LHFPL3: variants seen among roughly 807,000 people sequenced by gnomAD.
The protein encoded by LHFPL3 is LHFPL tetraspan subfamily member 3, also known as LHFPL tetraspan subfamily member 3 protein.
LHFPL3 carries 5 observed loss-of-function variants against 19.3 expected under a neutral mutation model. The ratio of observed to expected loss-of-function variants is 0.26; its 90% CI spans 0.14 to 0.54. The LOEUF (loss-of-function observed/expected upper bound fraction) is 0.54. LHFPL3 is among the 20% of genes least tolerant of loss of function. The pLI, the probability that LHFPL3 is intolerant of heterozygous loss-of-function variation, is 0.94. For missense variants in LHFPL3, 249 were observed against 307.4 expected (o/e 0.81, Z 1.42); for synonymous variants, 133 against 126.2 (o/e 1.05, Z -0.36).
chr7:104,822,901 C>T (rs966292184), intron 2 of LHFPL3, among the ~76,000 whole-genome samples: 4 of 152,104 alleles, frequency 2.6e-5, no homozygotes, highest in African/African-American at 4.8e-5. Context: ...GTTCACCCTA[C>T]CAAGAAGTGC....
At chr7:104,434,370 CTG>C (rs1310785395) in intron 1 of LHFPL3, among the ~76,000 whole-genome samples, 3 of 152,220 alleles carry the variant, frequency 2.0e-5, no homozygotes, top group Non-Finnish European at 2.9e-5. Flanking sequence ...AGAGGAGACA[CTG>C]TATGGAAATT....
At chr7:104,643,491 T>C (rs572959087) in intron 1 of LHFPL3, among the ~76,000 whole-genome samples, 8 of 152,338 alleles carry the variant, frequency 5.3e-5, no homozygotes, top group Non-Finnish European at 8.8e-5. Context: ...TGTATATTTT[T>C]GTATGGATTT....
chr7:104,767,219 A>G (rs1401165562), intron 2 of LHFPL3, among the ~76,000 whole-genome samples: 1 of 152,218 alleles, frequency 6.6e-6, no homozygotes, highest in Non-Finnish European at 1.5e-5. Context: ...GTGGTCATAT[A>G]GAAACTGTCA....
intron 1 of LHFPL3, among the ~76,000 whole-genome samples, chr7:104,550,962 A>G (rs1346508068): frequency 1.3e-5 from 2 of 152,008 alleles, no homozygotes; most frequent in African/African-American, 4.8e-5. Flanking sequence ...GCCTCCCAAA[A>G]TTTTCCAGAG....
chr7:104,454,221 A>G (rs1792498329), intron 1 of LHFPL3, among the ~76,000 whole-genome samples: 1 of 152,120 alleles, frequency 6.6e-6, no homozygotes, highest in African/African-American at 2.4e-5. Flanking sequence ...AAAAGACTAG[A>G]ATTGGTGTTA....
intron 2 of LHFPL3, among the ~76,000 whole-genome samples, chr7:104,832,774 C>T (rs1211961478): frequency 2.0e-5 from 3 of 148,794 alleles, no homozygotes; most frequent in South Asian, 2.1e-4. Context: ...GTCAGGAGTT[C>T]GAGACCAGCC....
chr7:104,568,157 T>A (rs1790158071), intron 1 of LHFPL3, among the ~76,000 whole-genome samples: 1 of 152,208 alleles, frequency 6.6e-6, no homozygotes, highest in Admixed American at 6.5e-5. Flanking sequence ...GATTTGTACC[T>A]GAGAATCACC....
At chr7:104,521,062 C>A (rs912370451) in intron 1 of LHFPL3, among the ~76,000 whole-genome samples, 60 of 152,172 alleles carry the variant, frequency 3.9e-4, no homozygotes, top group African/African-American at 1.4e-3. Flanking sequence ...TTGGATCTTT[C>A]CTGCTTTCTC....
intron 1 of LHFPL3, among the ~76,000 whole-genome samples, chr7:104,702,727 C>T (rs971964529): frequency 6.6e-6 from 1 of 152,224 alleles, no homozygotes; most frequent in Non-Finnish European, 1.5e-5. Context: ...TCCACATAGA[C>T]ACCTTCAATT....
chr7:104,745,297 G>T (rs942289425), intron 2 of LHFPL3, among the ~76,000 whole-genome samples: 1 of 152,194 alleles, frequency 6.6e-6, no homozygotes, highest in African/African-American at 2.4e-5. Flanking sequence ...AGCAGGAACT[G>T]CAGCCACCAT....
chr7:104,410,813 A>G (rs1791521769), intron 1 of LHFPL3, among the ~76,000 whole-genome samples: 1 of 152,258 alleles, frequency 6.6e-6, no homozygotes. Context: ...GCTAAGAAGG[A>G]TATTAGTAAA....
chr7:104,589,330 G>A (rs1268190555), intron 1 of LHFPL3, among the ~76,000 whole-genome samples: 4 of 152,182 alleles, frequency 2.6e-5, no homozygotes, highest in Non-Finnish European at 5.9e-5. Flanking sequence ...AAGGGCTGTT[G>A]AATTTTGTCA....
At chr7:104,838,708 C>T (rs1020172739) in intron 2 of LHFPL3, among the ~76,000 whole-genome samples, 1 of 152,192 alleles carries the variant, frequency 6.6e-6, no homozygotes, top group African/African-American at 2.4e-5. Context: ...ATACCATAGA[C>T]ACATGTGGCT....
chr7:104,330,391 T>C (rs1300838058), intron 1 of LHFPL3, among the ~76,000 whole-genome samples: 1 of 152,208 alleles, frequency 6.6e-6, no homozygotes, highest in African/African-American at 2.4e-5. Context: ...TGTTTCAAGA[T>C]TTTGTCGTTT....
chr7:104,829,661 C>G lies in LHFPL3; in HGVS notation c.683-76526C>G, dbSNP rs1790907657. ...CATGTCCCTACAAAGGACATGAACT[C>G]ATCATTTTTTATGGCTGCATAGTAT... is the stretch of plus-strand genomic sequence containing the variant. On this transcript the variant is annotated intron_variant, in intron 2 of 2. Transcript: ENST00000424859. Among the ~76,000 whole-genome samples, 8 of 151,840 alleles carry G rather than the reference C, an allele frequency of 5.3e-5. No individual in the cohort carries two copies. The South Asian group carries it at 1.7e-3, about 31-fold the overall frequency.
chr7:104,363,251 C>A (rs1790424676), intron 1 of LHFPL3, among the ~76,000 whole-genome samples: 1 of 152,222 alleles, frequency 6.6e-6, no homozygotes, highest in African/African-American at 2.4e-5. Context: ...AGGCAAGATA[C>A]AGTCAGTTAG....
At chr7:104,802,966 G>C (rs1790284919) in intron 2 of LHFPL3, 1 of 152,306 alleles carries the variant, frequency 6.6e-6, no homozygotes, top group Non-Finnish European at 1.5e-5. Context: ...CTGACTCCCT[G>C]TGAATAAAGG....
intron 1 of LHFPL3, among the ~76,000 whole-genome samples, chr7:104,572,952 T>C (rs1223870031): frequency 6.6e-6 from 1 of 152,218 alleles, no homozygotes; most frequent in Non-Finnish European, 1.5e-5. Context: ...CAGCTTTTGA[T>C]TGACCACTAA....
intron 2 of LHFPL3, among the ~76,000 whole-genome samples, chr7:104,767,628 A>G (rs905927303): frequency 6.6e-6 from 1 of 152,196 alleles, no homozygotes; most frequent in Non-Finnish European, 1.5e-5. Flanking sequence ...TGAGCCTCTC[A>G]AAGTACAAAC....
Sources: gnomAD v4.1 joint callset for allele counts (sites outside exome capture counted in the v4.1 genomes callset) on GRCh38, gnomAD v4.1.1 for gene constraint, MANE v1.5 for transcripts, NCBI Gene and HGNC (gene_info 2026-07-23, HGNC 2026-07-21) for gene names.